Variants in NME7 observed in about 807,000 individuals in gnomAD.
NME7 encodes the protein nucleoside diphosphate kinase 7.
NME7 carries 41 observed loss-of-function variants against 49.1 expected under a neutral mutation model. The observed-to-expected ratio is 0.83, with a 90% confidence interval of 0.65 to 1.08. The LOEUF is 1.08. Among genes scored for constraint, NME7 ranks in the 50% least tolerant of loss-of-function variants. The probability of loss-of-function intolerance (pLI) is 0.00; values close to 1 mark genes in which losing one functional copy is unlikely to be tolerated. For synonymous variants in NME7, 139 were observed against 150.6 expected (o/e 0.92, Z 0.56); for missense variants, 423 against 463.4 (o/e 0.91, Z 0.80).
intron 10 of NME7, among the ~76,000 whole-genome samples, chr1:169,170,885 C>T (rs1484499656): frequency 6.6e-6 from 1 of 152,104 alleles, no homozygotes; most frequent in East Asian, 1.9e-4. Flanking sequence ...CGAGACTGTG[C>T]ATTGCACTCC....
intron 7 of NME7, among the ~76,000 whole-genome samples, chr1:169,266,798 T>G (rs1225976251): frequency 7.5e-6 from 1 of 133,470 alleles, no homozygotes; most frequent in Non-Finnish European, 1.8e-5. Flanking sequence ...CCAGGTGCAG[T>G]GGCTCACACC....
At chr1:169,210,671 T>C (rs913988380) in intron 10 of NME7, among the ~76,000 whole-genome samples, 14 of 152,212 alleles carry the variant, frequency 9.2e-5, no homozygotes, top group Admixed American at 6.5e-5. Context: ...AATATGTTAC[T>C]ACAAAATGAC....
intron 10 of NME7, among the ~76,000 whole-genome samples, chr1:169,192,256 C>G (rs1660252276): frequency 6.6e-6 from 1 of 152,088 alleles, no homozygotes; most frequent in Admixed American, 6.5e-5. Flanking sequence ...CTGGAGACAT[C>G]TTAAAGGAAA....
chr1:169,278,649 G>T (rs1166979219), intron 7 of NME7, among the ~76,000 whole-genome samples: 1 of 152,114 alleles, frequency 6.6e-6, no homozygotes, highest in Non-Finnish European at 1.5e-5. Flanking sequence ...CCTATAGCTT[G>T]CAGTAGTTTG....
intron 11 of NME7, chr1:169,169,109 T>C (rs753080220): frequency 2.2e-6 from 1 of 462,504 alleles, no homozygotes; most frequent in African/African-American, 2.0e-5. Flanking sequence ...CTATGCAGCA[T>C]GCTACAATTT....
chr1:169,282,987 G>C (rs1411518511), intron 7 of NME7, among the ~76,000 whole-genome samples: 1 of 152,044 alleles, frequency 6.6e-6, no homozygotes, highest in Non-Finnish European at 1.5e-5. Flanking sequence ...CTGAGTTCAA[G>C]TCCTGAATAT....
intron 7 of NME7, among the ~76,000 whole-genome samples, chr1:169,282,227 T>G (rs1650049885): frequency 6.6e-6 from 1 of 152,212 alleles, no homozygotes; most frequent in Non-Finnish European, 1.5e-5. Context: ...TTTTCTAGTT[T>G]ATTTGCGTAG....
At position 169,291,589 on chromosome 1, in the gene NME7, C is replaced by T. The variant is rs561291188; in HGVS notation, c.649-4181G>A. Among the ~76,000 whole-genome samples, 7 of 151,874 alleles carry T rather than the reference C, an allele frequency of 4.6e-5. No homozygotes were observed. The South Asian group carries it at 8.3e-4, about 18-fold the overall frequency. ...ATGGGTGCAGCAAACCACCATGGCA[C>T]GTGTATACCTACATAATAAACCTGC... On this transcript the variant is annotated intron_variant, in intron 6 of 11. Transcript: ENST00000367811.
intron 7 of NME7, 63 bp downstream of exon 7, chr1:169,287,240 T>C (rs769714084): frequency 7.9e-7 from 1 of 1,272,728 alleles, no homozygotes; most frequent in Non-Finnish European, 1.1e-6. Flanking sequence ...ATAAAGTACA[T>C]CAAGAAAATA....
At chr1:169,337,022 C>T (rs1249287618) in intron 1 of NME7, among the ~76,000 whole-genome samples, 1 of 152,260 alleles carries the variant, frequency 6.6e-6, no homozygotes, top group Non-Finnish European at 1.5e-5. Context: ...CCCAGTGGAT[C>T]CCGCACCGGG....
intron 10 of NME7, among the ~76,000 whole-genome samples, chr1:169,178,488 G>A (rs1659827710): frequency 6.6e-6 from 1 of 152,110 alleles, no homozygotes; most frequent in Non-Finnish European, 1.5e-5. Flanking sequence ...CAGGATTCTA[G>A]GTATGGGAAG....
At chr1:169,356,017 T>G (rs1653458862) in intron 1 of NME7, among the ~76,000 whole-genome samples, 1 of 152,152 alleles carries the variant, frequency 6.6e-6, no homozygotes, top group Non-Finnish European at 1.5e-5. Flanking sequence ...TGAACAGCCC[T>G]TGATCAAAAC....
intron 9 of NME7, among the ~76,000 whole-genome samples, 154 bp downstream of exon 9, chr1:169,234,977 C>T (rs1359594804): frequency 1.3e-5 from 2 of 152,078 alleles, no homozygotes; most frequent in African/African-American, 2.4e-5. Flanking sequence ...CAGATAACAA[C>T]CTAGGTCGTT....
intron 6 of NME7, among the ~76,000 whole-genome samples, chr1:169,291,784 A>T (rs1322425790): frequency 2.0e-5 from 3 of 152,114 alleles, no homozygotes; most frequent in African/African-American, 7.2e-5. Flanking sequence ...GAAGGCTCAG[A>T]TGATTGTTAG....
At chr1:169,223,051 T>C (rs1661193103) in intron 10 of NME7, among the ~76,000 whole-genome samples, 1 of 152,204 alleles carries the variant, frequency 6.6e-6, no homozygotes, top group Non-Finnish European at 1.5e-5. Flanking sequence ...CATTTAGATA[T>C]CATGTCTCTT....
At chr1:169,294,303 G>A (rs1009515565) in intron 6 of NME7, among the ~76,000 whole-genome samples, 5 of 152,048 alleles carry the variant, frequency 3.3e-5, no homozygotes, top group African/African-American at 9.7e-5. Flanking sequence ...ACAAGTGAAG[G>A]AAGAAAAACC....
intron 3 of NME7, among the ~76,000 whole-genome samples, chr1:169,317,174 C>A (rs936314853): frequency 4.0e-5 from 6 of 151,744 alleles, no homozygotes; most frequent in Admixed American, 1.3e-4. Flanking sequence ...CATAACAGGG[C>A]AAGTATAAAA....
intron 10 of NME7, among the ~76,000 whole-genome samples, chr1:169,173,663 C>A (rs1659667687): frequency 6.6e-6 from 1 of 151,758 alleles, no homozygotes; most frequent in South Asian, 2.1e-4. Context: ...TTAAAAAATA[C>A]TAAAAGTGAG....
chr1:169,291,899 T>C (rs1230938868), intron 6 of NME7, among the ~76,000 whole-genome samples: 2 of 152,094 alleles, frequency 1.3e-5, no homozygotes, highest in Admixed American at 6.6e-5. Flanking sequence ...ATAACTTTTA[T>C]ATACCAGGAA....
Sources: allele counts gnomAD v4.1 joint callset (sites outside exome capture counted in the v4.1 genomes callset), GRCh38; gene constraint gnomAD v4.1.1; transcripts MANE v1.5; gene names NCBI Gene and HGNC (gene_info 2026-07-23, HGNC 2026-07-21).